TRAPPC3L: variants seen among roughly 807,000 people sequenced by gnomAD.
TRAPPC3L encodes the protein trafficking protein particle complex subunit 3L.
A neutral mutation model predicts 23.7 loss-of-function variants in TRAPPC3L; 23 were observed. That is an observed-to-expected ratio of 0.97 (90% CI 0.70 to 1.37). TRAPPC3L has a LOEUF of 1.37. TRAPPC3L is among the 40% of genes most tolerant of loss of function. The probability of loss-of-function intolerance (pLI) is 0.00; values close to 1 mark genes in which losing one functional copy is unlikely to be tolerated. For missense variants in TRAPPC3L, 212 were observed against 216.8 expected, an observed-to-expected ratio of 0.98 and a Z score of 0.14; for synonymous variants, 81 against 77.9, an observed-to-expected ratio of 1.04 and a Z score of -0.21.
chr6:116,511,806 T>C (rs1772125794), intron 3 of TRAPPC3L: 3 of 1,613,988 alleles, frequency 1.9e-6, no homozygotes, highest in Admixed American at 3.3e-5. Context: ...TTTTCTGTTG[T>C]GGCTTTTAAG....
intron 1 of TRAPPC3L, chr6:116,543,894 T>G (rs1773611349): frequency 6.6e-7 from 1 of 1,510,420 alleles, no homozygotes; most frequent in Non-Finnish European, 8.9e-7. Flanking sequence ...TTCTTTTTAC[T>G]TAGAGAAAAA....
At chr6:116,543,718 A>G in intron 1 of TRAPPC3L, 1 of 1,050,272 alleles carries the variant, frequency 9.5e-7, no homozygotes, top group Non-Finnish European at 1.4e-6. Flanking sequence ...ACTAATTTCT[A>G]ACATAAATTT....
rs566085257 is a variant in TRAPPC3L at position 116,505,177 on chromosome 6, A to G, written c.241-4511T>C. On this transcript the variant is annotated intron_variant, in intron 3 of 4. Coordinates refer to ENST00000368602, the MANE Select transcript of TRAPPC3L (RefSeq NM_001139444.3). ...TAAGCAACTTCAACAAAGTCTCAGC[A>G]TACAAAATCAATGTGCAAAAATCAC... is the stretch of plus-strand genomic sequence containing the variant. Among the ~76,000 whole-genome samples the G allele has an allele frequency of 3.3e-4, 51 of 152,378 alleles. 1 individual carries two copies. The highest frequency in any genetic ancestry group is 6.8e-3 in the Middle Eastern group (2 of 294).
At chr6:116,545,444 GA>G in intron 1 of TRAPPC3L, 28 bp downstream of exon 1, 2 of 1,530,166 alleles carry the variant, frequency 1.3e-6, no homozygotes, top group Non-Finnish European at 1.8e-6. Flanking sequence ...CTCTGAAGTA[GA>G]AAAAATCTCT....
rs1228223362 is a variant in TRAPPC3L, at chr6:116,545,474, AT to A, written c.40del (p.Ile14Ter). On this transcript the variant is annotated frameshift_variant and splice_region_variant, in exon 1 of 5. Coordinates refer to ENST00000368602, the MANE Select transcript of TRAPPC3L (RefSeq NM_001139444.3). LOFTEE classifies it high-confidence loss of function. Reference sequence around the variant, plus strand: ...AATCTCTTTGTAGAAAGATCTTACTATTTTATGGTATTCTGGTCTTCGGTGT... The same window carrying A: ...AATCTCTTTGTAGAAAGATCTTACTATTTATGGTATTCTGGTCTTCGGTGT... ...PAHRRPEYHK[I>X]NKDLFVLTYG... 3.2e-6 allele frequency: 5 copies of A among 1,545,908 alleles called. No individual in the cohort carries two copies. The highest frequency in any genetic ancestry group is 4.4e-6 in the Non-Finnish European group (5 of 1,143,690).
At chr6:116,517,112 G>A (rs761082624) in intron 3 of TRAPPC3L, 3 of 152,050 alleles carry the variant, frequency 2.0e-5, no homozygotes, top group Admixed American at 6.6e-5. Context: ...ATTTTTATAA[G>A]GCACTAATCC....
intron 3 of TRAPPC3L, among the ~76,000 whole-genome samples, chr6:116,533,193 A>G (rs954005798): frequency 1.3e-5 from 2 of 152,212 alleles, no homozygotes; most frequent in Non-Finnish European, 2.9e-5. Context: ...CACTTCTAAC[A>G]GCAGTCAAAT....
At chr6:116,545,314 A>G (rs1313169545) in intron 1 of TRAPPC3L, among the ~76,000 whole-genome samples, 159 bp downstream of exon 1, 1 of 152,110 alleles carries the variant, frequency 6.6e-6, no homozygotes, top group African/African-American at 2.4e-5. Context: ...GGAGATAATC[A>G]TAATTATTCC....
At chr6:116,501,889 AAGGT>A (rs1303602575) in intron 3 of TRAPPC3L, among the ~76,000 whole-genome samples, 2 of 152,230 alleles carry the variant, frequency 1.3e-5, no homozygotes, top group Admixed American at 6.5e-5. Context: ...TCAAAGACCA[AAGGT>A]AGATAAAACC....
intron 3 of TRAPPC3L, chr6:116,521,205 T>A (rs528842365): frequency 6.6e-6 from 1 of 152,044 alleles, no homozygotes; most frequent in Non-Finnish European, 1.5e-5. Context: ...AAAATATATG[T>A]GCTATATATA....
intron 3 of TRAPPC3L, chr6:116,521,437 C>CAAT (rs1227127884): frequency 6.6e-6 from 1 of 151,226 alleles, no homozygotes; most frequent in African/African-American, 2.4e-5. Context: ...TTCCAAGGGC[C>CAAT]AATAGATAAG....
intron 3 of TRAPPC3L, chr6:116,524,631 C>A (rs903074852): frequency 6.6e-6 from 1 of 152,036 alleles, no homozygotes; most frequent in Non-Finnish European, 1.5e-5. Context: ...GATGTTTTAT[C>A]CTATATTCTC....
intron 4 of TRAPPC3L, among the ~76,000 whole-genome samples, chr6:116,497,771 T>G (rs190905581): frequency 2.0e-5 from 3 of 152,308 alleles, no homozygotes; most frequent in Admixed American, 2.0e-4. Flanking sequence ...GTGTATTTGT[T>G]CAGAGTTATT....
intron 3 of TRAPPC3L, among the ~76,000 whole-genome samples, chr6:116,502,431 AC>A (rs1466629855): frequency 2.0e-5 from 3 of 152,236 alleles, no homozygotes; most frequent in African/African-American, 7.2e-5. Flanking sequence ...GGAGAATGGA[AC>A]CAAGTTAGAA....
intron 3 of TRAPPC3L, among the ~76,000 whole-genome samples, chr6:116,503,719 C>T (rs949410784): frequency 1.1e-4 from 17 of 152,176 alleles, no homozygotes; most frequent in African/African-American, 3.9e-4. Context: ...GAGTAAAAAA[C>T]TCACTCAAAA....
intron 3 of TRAPPC3L, among the ~76,000 whole-genome samples, chr6:116,505,619 T>C (rs1391022216): frequency 1.3e-5 from 2 of 152,098 alleles, no homozygotes; most frequent in Non-Finnish European, 2.9e-5. Flanking sequence ...CTTCAAACTA[T>C]ACTACAAGGT....
chr6:116,533,925 G>T (rs530111884), intron 3 of TRAPPC3L, among the ~76,000 whole-genome samples: 1 of 152,238 alleles, frequency 6.6e-6, no homozygotes, highest in Admixed American at 6.5e-5. Context: ...TGATTGCAAG[G>T]TTTAGCCCAT....
intron 3 of TRAPPC3L, chr6:116,517,703 A>G (rs1051364352): frequency 2.6e-5 from 4 of 152,164 alleles, no homozygotes; most frequent in African/African-American, 9.7e-5. Flanking sequence ...TGTGTCTGGT[A>G]GTACGCGAAT....
rs186481684 is a variant in TRAPPC3L at position 116,496,429 on chromosome 6, G to A, written c.*525C>T. 67 of 152,182 alleles carry A rather than the reference G, an allele frequency of 4.4e-4. No individual in the cohort carries two copies. Among genetic ancestry groups the A allele is most frequent in the African/African-American group, 1.5e-3 (62 of 41,522 alleles). 9.4% of individuals were successfully genotyped at this position (152,182 alleles called of 1,614,324 possible). On this transcript the variant is annotated 3_prime_UTR_variant, in exon 5 of 5. Coordinates refer to ENST00000368602, the MANE Select transcript of TRAPPC3L (RefSeq NM_001139444.3). Reference sequence around the variant, plus strand: ...TTGGTGATTACAAATCAAGGGTAGCGTCAGAAGGCTAAAGCTATAAGCCAA... The same window carrying A: ...TTGGTGATTACAAATCAAGGGTAGCATCAGAAGGCTAAAGCTATAAGCCAA...
Sources: allele counts gnomAD v4.1 joint callset (sites outside exome capture counted in the v4.1 genomes callset), GRCh38; gene constraint gnomAD v4.1.1; transcripts MANE v1.5; gene names NCBI Gene and HGNC (gene_info 2026-07-23, HGNC 2026-07-21).